Variants in RFX4 observed in about 807,000 individuals in gnomAD.
RFX4 encodes transcription factor RFX4.
In RFX4, 10 loss-of-function variants were observed where a neutral mutation model predicts 95.0. The observed-to-expected ratio is 0.11, with a 90% CI of 0.06 to 0.18. The LOEUF is 0.18. Ranked by LOEUF, RFX4 falls within the 10% of genes least tolerant of loss-of-function variation. The pLI, the probability that RFX4 is intolerant of heterozygous loss-of-function variation, is 1.00. For synonymous variants in RFX4, 321 were observed against 340.7 expected, an observed-to-expected ratio of 0.94 and a Z score of 0.64; for missense variants, 640 against 922.0, an observed-to-expected ratio of 0.69 and a Z score of 3.96.
intron 15 of RFX4, among the ~76,000 whole-genome samples, chr12:106,743,218 A>C (rs900016289): frequency 1.5e-4 from 23 of 152,222 alleles, no homozygotes; most frequent in African/African-American, 5.5e-4. Context: ...GGAATTGAAC[A>C]AATAGGGAAG....
At chr12:106,603,147 A>C (rs1287707709) in intron 1 of RFX4, among the ~76,000 whole-genome samples, 1 of 152,070 alleles carries the variant, frequency 6.6e-6, no homozygotes, top group African/African-American at 2.4e-5. Context: ...AGTGTGTGCT[A>C]TAAACTTCAA....
intron 11 of RFX4, among the ~76,000 whole-genome samples, chr12:106,717,904 G>A (rs1271735481): frequency 2.0e-5 from 3 of 152,188 alleles, no homozygotes; most frequent in African/African-American, 4.8e-5. Flanking sequence ...AGCAGGGCTG[G>A]GACAACTGTG....
intron 4 of RFX4, among the ~76,000 whole-genome samples, chr12:106,666,611 T>C (rs1384579170): frequency 1.3e-5 from 2 of 152,246 alleles, no homozygotes; most frequent in Non-Finnish European, 2.9e-5. Flanking sequence ...TCAGTCTTTG[T>C]TCTCTTCGCT....
intron 3 of RFX4, among the ~76,000 whole-genome samples, chr12:106,652,342 C>G (rs572858064): frequency 6.6e-6 from 1 of 152,310 alleles, no homozygotes; most frequent in Admixed American, 6.5e-5. Context: ...CATGGACTAT[C>G]TTGCTCACTG....
Position 106,583,263 on chromosome 12 carries a change from AG to A in RFX4, c.-54del. ...CTTCCTCCCTGGGCATCTCTAGCAC[AG>A]GGGATCCCCAAACATCAGGACTTTT... is the stretch of plus-strand genomic sequence containing the variant. On this transcript the variant is annotated 5_prime_UTR_variant, in exon 1 of 18. Transcript: ENST00000392842. The A allele has an allele frequency of 7.4e-7, 1 of 1,359,758 alleles. No individual in the cohort carries two copies. Among genetic ancestry groups the A allele is most frequent in the Non-Finnish European group, 1.0e-6 (1 of 997,792 alleles). The allele number at this position is 1,359,758 out of a possible 1,614,324, so 84.2% of individuals were successfully genotyped here. A position where few individuals can be genotyped will look rare whatever the true frequency, so the allele number is the denominator to read the frequency against.
rs1396831986 is a variant in RFX4, at chr12:106,762,329, G to T, written c.*860G>T. 1.3e-5 allele frequency: 2 copies of T among 152,544 alleles called. No individual in the cohort carries two copies. The highest frequency in any genetic ancestry group is 2.9e-5 in the Non-Finnish European group (2 of 68,036). 9.4% of individuals were successfully genotyped at this position (152,544 alleles called of 1,614,324 possible). ...CTGCTGTGTTAACTTTGTGAAACTGGATGGAACAAACTTTAACTTACCAAG... is the reference window on the plus strand; with the variant it reads ...CTGCTGTGTTAACTTTGTGAAACTGTATGGAACAAACTTTAACTTACCAAG... On this transcript the variant is annotated 3_prime_UTR_variant, in exon 18 of 18. Transcript: ENST00000392842.
At chr12:106,636,699 C>G (rs571503563) in intron 2 of RFX4, among the ~76,000 whole-genome samples, 4 of 152,226 alleles carry the variant, frequency 2.6e-5, no homozygotes, top group Admixed American at 2.6e-4. Flanking sequence ...GTTCTAACTA[C>G]CAGTTAGAAT....
chr12:106,592,912 A>T (rs912348237), intron 1 of RFX4, among the ~76,000 whole-genome samples: 1 of 152,114 alleles, frequency 6.6e-6, no homozygotes, highest in Non-Finnish European at 1.5e-5. Context: ...TACGAGAGGG[A>T]AAGAGATGAT....
chr12:106,726,500 T>C (rs891999233), intron 13 of RFX4, among the ~76,000 whole-genome samples: 1 of 152,180 alleles, frequency 6.6e-6, no homozygotes, highest in Non-Finnish European at 1.5e-5. Context: ...ATCCAAACTA[T>C]GAATTTCTCC....
rs548970758 is a variant in RFX4 at position 106,643,854 on chromosome 12, C to T, written c.191+4462C>T. ...TAGGTAAGACTCCAGTCCATTTCTC[C>T]TTGTAGTTCTTTGCCTTCTCCTCAA... On this transcript the variant is annotated intron_variant, in intron 3 of 17. Transcript: ENST00000392842. 2.0e-5 allele frequency among the ~76,000 whole-genome samples: 3 copies of T among 152,224 alleles called. No individual in the cohort carries two copies. In the East Asian group the frequency reaches 5.8e-4, roughly 29 times the overall value.
At chr12:106,664,192 C>T (rs1048438387) in intron 4 of RFX4, among the ~76,000 whole-genome samples, 8 of 151,684 alleles carry the variant, frequency 5.3e-5, no homozygotes, top group African/African-American at 9.7e-5. Context: ...GAACCTGGTG[C>T]TTTCTGTTTT....
chr12:106,621,055 A>G (rs975739590), intron 2 of RFX4, among the ~76,000 whole-genome samples: 12 of 152,078 alleles, frequency 7.9e-5, no homozygotes, highest in Non-Finnish European at 1.5e-4. Context: ...TTCAAGGTGC[A>G]CTGATTTCAT....
intron 10 of RFX4, among the ~76,000 whole-genome samples, chr12:106,711,926 C>T (rs1299415487): frequency 2.0e-5 from 3 of 152,070 alleles, no homozygotes; most frequent in Non-Finnish European, 4.4e-5. Flanking sequence ...ATTTTTAGCA[C>T]AAAAGTGACA....
intron 14 of RFX4, 103 bp from the exon 15 acceptor site, chr12:106,732,821 A>C: frequency 8.8e-7 from 1 of 1,140,978 alleles, no homozygotes; most frequent in Admixed American, 2.2e-5. Flanking sequence ...TTGACAAGAG[A>C]GTGACATCAC....
intron 4 of RFX4, among the ~76,000 whole-genome samples, chr12:106,666,249 G>A (rs1482070332): frequency 6.6e-6 from 1 of 151,932 alleles, no homozygotes; most frequent in African/African-American, 2.4e-5. Flanking sequence ...TCAGAAGATA[G>A]TCTTGTCTTT....
Position 106,632,886 on chromosome 12 carries a change from T to C in RFX4, c.131-6446T>C, listed in dbSNP as rs188538255. Among the ~76,000 whole-genome samples, 32 of 152,278 alleles carry C rather than the reference T, an allele frequency of 2.1e-4. No individual in the cohort carries two copies. In the East Asian group the frequency reaches 5.2e-3, roughly 25 times the overall value. On this transcript the variant is annotated intron_variant, in intron 2 of 17. Transcript: ENST00000392842. ...CACCGTATCTGGCACTACAGGTGCATGCCACCGTATCTGGCTTGGACTTAC... is the reference window on the plus strand; with the variant it reads ...CACCGTATCTGGCACTACAGGTGCACGCCACCGTATCTGGCTTGGACTTAC...
intron 2 of RFX4, among the ~76,000 whole-genome samples, chr12:106,622,231 A>C (rs1355500355): frequency 3.9e-5 from 6 of 152,166 alleles, no homozygotes; most frequent in Admixed American, 2.6e-4. Context: ...TATTTTAAAA[A>C]AATATAATAT....
intron 2 of RFX4, among the ~76,000 whole-genome samples, chr12:106,631,196 A>G (rs149509630): frequency 1.9e-3 from 294 of 152,352 alleles, no homozygotes; most frequent in Non-Finnish European, 3.4e-3. Context: ...CTGGCACAAT[A>G]TGAGTCCTCA....
chr12:106,740,778 A>C (rs1188933005), intron 15 of RFX4, among the ~76,000 whole-genome samples: 1 of 150,686 alleles, frequency 6.6e-6, no homozygotes. Context: ...GCTATGAAAA[A>C]GTATAAAGTG....
Sources: gnomAD v4.1 joint callset for allele counts (sites outside exome capture counted in the v4.1 genomes callset) on GRCh38, gnomAD v4.1.1 for gene constraint, MANE v1.5 for transcripts, NCBI Gene and HGNC (gene_info 2026-07-23, HGNC 2026-07-21) for gene names.